Variants in PNPT1 observed in about 807,000 individuals in gnomAD.
The protein encoded by PNPT1 is polyribonucleotide nucleotidyltransferase 1, mitochondrial.
A neutral mutation model predicts 119.5 loss-of-function variants in PNPT1; 53 were observed. That is an observed-to-expected ratio of 0.44 (90% CI 0.36 to 0.56). The LOEUF (loss-of-function observed/expected upper bound fraction) is 0.56. Ranked by LOEUF, PNPT1 falls within the 20% of genes least tolerant of loss-of-function variation. PNPT1 has a pLI of 0.00. For synonymous variants in PNPT1, 357 were observed against 322.1 expected, an observed-to-expected ratio of 1.11 and a Z score of -1.16; for missense variants, 948 against 938.5, an observed-to-expected ratio of 1.01 and a Z score of -0.13.
At chr2:55,692,384 T>C (rs959952659) in intron 1 of PNPT1, among the ~76,000 whole-genome samples, 2 of 152,182 alleles carry the variant, frequency 1.3e-5, no homozygotes, top group Non-Finnish European at 2.9e-5. Context: ...GTGCGAGACC[T>C]GGATTCAAAA....
intron 8 of PNPT1, among the ~76,000 whole-genome samples, 157 bp from the exon 9 acceptor site, chr2:55,673,236 C>T (rs1173205158): frequency 6.6e-6 from 1 of 151,734 alleles, no homozygotes; most frequent in African/African-American, 2.4e-5. Context: ...AACATACTTC[C>T]AAAATGTAAG....
intron 23 of PNPT1, among the ~76,000 whole-genome samples, chr2:55,644,216 C>T (rs547097622): frequency 1.5e-4 from 23 of 152,010 alleles, no homozygotes; most frequent in Non-Finnish European, 3.1e-4. Flanking sequence ...CCTTGAAGTA[C>T]GAGGTAATTC....
intron 11 of PNPT1, among the ~76,000 whole-genome samples, chr2:55,671,034 C>T (rs942198851): frequency 2.0e-5 from 3 of 151,778 alleles, no homozygotes; most frequent in African/African-American, 4.8e-5. Context: ...ATAGTAATAG[C>T]GGTTCTGTGC....
At chr2:55,650,696 A>G (rs1307753805) in intron 18 of PNPT1, among the ~76,000 whole-genome samples, 1 of 148,824 alleles carries the variant, frequency 6.7e-6, no homozygotes, top group Non-Finnish European at 1.5e-5. Context: ...CCGGGATGTG[A>G]GGAGCGTCTC....
At chr2:55,666,105 A>G (rs188338322) in intron 13 of PNPT1, among the ~76,000 whole-genome samples, 24 of 152,346 alleles carry the variant, frequency 1.6e-4, no homozygotes, top group African/African-American at 5.8e-4. Flanking sequence ...AGAAAGATAC[A>G]ACAGAAATAC....
intron 8 of PNPT1, among the ~76,000 whole-genome samples, chr2:55,673,280 G>A (rs568116183): frequency 6.6e-6 from 1 of 151,482 alleles, no homozygotes; most frequent in Admixed American, 6.6e-5. Flanking sequence ...CTTGATATCT[G>A]TATTTAGGTT....
chr2:55,680,996 TA>T, intron 5 of PNPT1, 78 bp from the exon 6 acceptor site: 1 of 1,172,392 alleles, frequency 8.5e-7, no homozygotes, highest in South Asian at 1.3e-5. Context: ...AAGAGCACTA[TA>T]TGGCTAAAAG....
At chr2:55,690,121 C>T (rs80129584) in intron 1 of PNPT1, among the ~76,000 whole-genome samples, 2,381 of 152,190 alleles carry the variant, frequency 0.016, 10 homozygotes, top group African/African-American at 0.054. Context: ...TGCTCCCAGA[C>T]GAGTTGTACA....
intron 13 of PNPT1, among the ~76,000 whole-genome samples, chr2:55,663,722 T>C (rs759419737): frequency 2.0e-5 from 3 of 152,120 alleles, no homozygotes; most frequent in Non-Finnish European, 4.4e-5. Flanking sequence ...CTCATGCCTG[T>C]AATCCCAGCA....
chr2:55,645,958 G>A (rs1695987839), intron 21 of PNPT1, among the ~76,000 whole-genome samples: 1 of 152,094 alleles, frequency 6.6e-6, no homozygotes, highest in African/African-American at 2.4e-5. Flanking sequence ...CTCCTGAGTA[G>A]CTGGGATTAC....
chr2:55,656,024 T>C (rs113021981), intron 17 of PNPT1, 107 bp downstream of exon 17: 2 of 1,367,576 alleles, frequency 1.5e-6, no homozygotes, highest in African/African-American at 1.5e-5. Flanking sequence ...TGCAACAAAC[T>C]TGGGTTCTGT....
Position 55,662,295 on chromosome 2 carries a change from G to C in PNPT1, c.1177-269C>G, listed in dbSNP as rs144735220. Among the ~76,000 whole-genome samples the C allele has an allele frequency of 8.4e-4, 128 of 152,324 alleles. No individual in the cohort carries two copies. In the East Asian group the frequency reaches 0.016, roughly 19 times the overall value. Reference sequence around the variant, plus strand: ...GTGCTGGGGAAGGAAGGCAGGAAGAGAAAGCAATGTTTTTAAGAACTATGT... The same window carrying C: ...GTGCTGGGGAAGGAAGGCAGGAAGACAAAGCAATGTTTTTAAGAACTATGT... On this transcript the variant is annotated intron_variant, in intron 13 of 27. Coordinates refer to ENST00000447944, the MANE Select transcript of PNPT1 (RefSeq NM_033109.5).
At chr2:55,665,257 A>T (rs925484045) in intron 13 of PNPT1, among the ~76,000 whole-genome samples, 4 of 152,202 alleles carry the variant, frequency 2.6e-5, no homozygotes, top group Non-Finnish European at 5.9e-5. Flanking sequence ...CTTTCATACA[A>T]CGTGTAGGAA....
intron 1 of PNPT1, among the ~76,000 whole-genome samples, chr2:55,692,498 GA>G (rs1210325472): frequency 6.6e-6 from 1 of 152,024 alleles, no homozygotes; most frequent in Non-Finnish European, 1.5e-5. Flanking sequence ...TTTATTCTAA[GA>G]ACGATTAAAG....
chr2:55,665,907 G>C (rs1696717619), intron 13 of PNPT1, among the ~76,000 whole-genome samples: 1 of 152,174 alleles, frequency 6.6e-6, no homozygotes, highest in African/African-American at 2.4e-5. Context: ...TAAACGAAAA[G>C]AAGGAGAACC....
intron 8 of PNPT1, among the ~76,000 whole-genome samples, chr2:55,677,306 T>C (rs1207313046): frequency 6.6e-6 from 1 of 152,194 alleles, no homozygotes; most frequent in Non-Finnish European, 1.5e-5. Context: ...AAAGATTCCT[T>C]GGTTCTGCTG....
At chr2:55,658,919 A>G (rs1696476259) in intron 15 of PNPT1, among the ~76,000 whole-genome samples, 1 of 152,172 alleles carries the variant, frequency 6.6e-6, no homozygotes, top group African/African-American at 2.4e-5. Flanking sequence ...AAACGAAATG[A>G]CTTGCTACTT....
chr2:55,642,605 CAA>C (rs559417017), intron 25 of PNPT1, among the ~76,000 whole-genome samples: 3 of 44,212 alleles, frequency 6.8e-5, no homozygotes, highest in East Asian at 1.4e-3. Flanking sequence ...GACTCTGTCC[CAA>C]AAAAAAAAAA....
Position 55,686,393 on chromosome 2 carries a change from G to C in PNPT1, c.274C>G (p.Pro92Ala), listed in dbSNP as rs750110394. The C allele has an allele frequency of 1.9e-6, 3 of 1,613,558 alleles. No homozygotes were observed. The highest frequency in any genetic ancestry group is 4.5e-5 in the East Asian group (2 of 44,856). Residue 92 changes from proline to alanine, a missense_variant, in exon 3 of 28, where the codon CCT becomes GCT. Coordinates refer to ENST00000447944, the MANE Select transcript of PNPT1 (RefSeq NM_033109.5). ...ACCACCAAAGGCATAAACTGGGAAG[G>C]GGAAGGTTTTGTTTTACTGACCGCT... ...VTAVSKTKPSPSQFMPLVVDY... is the reference protein window; with the variant it reads ...VTAVSKTKPSASQFMPLVVDY...
Sources: allele counts gnomAD v4.1 joint callset (sites outside exome capture counted in the v4.1 genomes callset), GRCh38; gene constraint gnomAD v4.1.1; transcripts MANE v1.5; gene names NCBI Gene and HGNC (gene_info 2026-07-23, HGNC 2026-07-21).